WWOX: variants seen among roughly 807,000 people sequenced by gnomAD.
WWOX encodes WW domain containing oxidoreductase.
A neutral mutation model predicts 46.2 loss-of-function variants in WWOX; 69 were observed. The observed-to-expected ratio is 1.49, with a 90% CI of 1.23 to 1.82. The LOEUF is 1.82. Ranked by LOEUF, WWOX falls within the 40% of genes most tolerant of loss-of-function variation. WWOX has a pLI of 0.00. For synonymous variants in WWOX, 359 were observed against 202.6 expected (o/e 1.77, Z -6.56); for missense variants, 919 against 542.6 (o/e 1.69, Z -6.89).
chr16:78,106,715 C>G (rs188810214), intron 1 of WWOX, among the ~76,000 whole-genome samples: 2 of 152,260 alleles, frequency 1.3e-5, no homozygotes, highest in African/African-American at 4.8e-5. Context: ...CGCGCCCGGC[C>G]ACAGAGCTGC....
intron 8 of WWOX, among the ~76,000 whole-genome samples, chr16:79,192,584 C>T (rs1288564769): frequency 6.6e-6 from 1 of 152,226 alleles, no homozygotes; most frequent in East Asian, 1.9e-4. Flanking sequence ...AGAGATTTCT[C>T]TTAAGGTGCC....
chr16:78,844,619 A>G (rs1454285502), intron 8 of WWOX, among the ~76,000 whole-genome samples: 1 of 152,094 alleles, frequency 6.6e-6, no homozygotes, highest in Admixed American at 6.5e-5. Context: ...TGGCAGGGTT[A>G]TAAATCATAC....
chr16:78,985,785 T>G (rs1597239950), intron 8 of WWOX, among the ~76,000 whole-genome samples: 1 of 151,158 alleles, frequency 6.6e-6, no homozygotes, highest in East Asian at 1.9e-4. Context: ...AAAAAAAGAA[T>G]AGGCACAGAC....
At chr16:78,790,123 T>A (rs975607840) in intron 8 of WWOX, among the ~76,000 whole-genome samples, 1 of 152,128 alleles carries the variant, frequency 6.6e-6, no homozygotes, top group Admixed American at 6.5e-5. Context: ...GTTTCAGGAT[T>A]ATTATTTTTT....
At chr16:79,010,229 G>A (rs975172836) in intron 8 of WWOX, among the ~76,000 whole-genome samples, 4 of 152,226 alleles carry the variant, frequency 2.6e-5, no homozygotes, top group South Asian at 4.1e-4. Context: ...AGCATCTGCT[G>A]TGTGCCAGAC....
chr16:78,240,340 A>G (rs913529085), intron 5 of WWOX, among the ~76,000 whole-genome samples: 21 of 152,132 alleles, frequency 1.4e-4, no homozygotes, highest in African/African-American at 4.8e-4. Flanking sequence ...CCAAAAGACA[A>G]AACAGAAAAA....
intron 8 of WWOX, among the ~76,000 whole-genome samples, chr16:78,493,600 C>T (rs1341188880): frequency 6.6e-6 from 1 of 152,044 alleles, no homozygotes; most frequent in African/African-American, 2.4e-5. Context: ...ATTAATGACA[C>T]CGCAAAAATG....
intron 8 of WWOX, among the ~76,000 whole-genome samples, chr16:78,699,284 A>C (rs2048163135): frequency 6.6e-6 from 1 of 152,068 alleles, no homozygotes; most frequent in Non-Finnish European, 1.5e-5. Context: ...CTGTGATCCT[A>C]GCACTTTTGG....
intron 5 of WWOX, among the ~76,000 whole-genome samples, chr16:78,323,254 C>T (rs1295884050): frequency 6.6e-6 from 1 of 152,000 alleles, no homozygotes; most frequent in Non-Finnish European, 1.5e-5. Context: ...CTACAGGCCC[C>T]CGCCACCATG....
chr16:78,382,507 T>G (rs1278550342), intron 5 of WWOX, among the ~76,000 whole-genome samples: 1 of 152,122 alleles, frequency 6.6e-6, no homozygotes, highest in African/African-American at 2.4e-5. Flanking sequence ...TGGGGGTTGT[T>G]CCTTACTGAA....
intron 8 of WWOX, among the ~76,000 whole-genome samples, chr16:79,138,391 C>T (rs1333986904): frequency 6.6e-6 from 1 of 152,142 alleles, no homozygotes; most frequent in African/African-American, 2.4e-5. Flanking sequence ...CAGTGCCTTC[C>T]CCATTTGACT....
At chr16:78,673,219 ATTTTCAGAGCATGT>A (rs143335904) in intron 8 of WWOX, among the ~76,000 whole-genome samples, 157 of 152,240 alleles carry the variant, frequency 1.0e-3, no homozygotes, top group Non-Finnish European at 1.8e-3. Flanking sequence ...TAAAACAGGA[ATTTTCAGAGCATGT>A]AATTTCTTCT....
chr16:78,950,182 A>G (rs373041772), intron 8 of WWOX, among the ~76,000 whole-genome samples: 1 of 152,206 alleles, frequency 6.6e-6, no homozygotes, highest in African/African-American at 2.4e-5. Context: ...TAGGTTGTAG[A>G]TTCCATGTCT....
chr16:78,753,057 G>C (rs2049525812), intron 8 of WWOX, among the ~76,000 whole-genome samples: 1 of 152,316 alleles, frequency 6.6e-6, no homozygotes, highest in Middle Eastern at 3.4e-3. Flanking sequence ...CACTTTGGGA[G>C]GCCGAGGCGG....
chr16:79,033,423 A>G (rs1280799205), intron 8 of WWOX, among the ~76,000 whole-genome samples: 1 of 151,634 alleles, frequency 6.6e-6, no homozygotes, highest in Non-Finnish European at 1.5e-5. Context: ...ATAGTATTCC[A>G]TGGTGTAGAT....
intron 8 of WWOX, among the ~76,000 whole-genome samples, chr16:78,701,571 G>A (rs541737584): frequency 2.0e-5 from 3 of 151,486 alleles, no homozygotes; most frequent in East Asian, 2.0e-4. Flanking sequence ...GCCTCCCCCC[G>A]ATATACTCAA....
At chr16:78,106,427 T>TTG (rs1555534574) in intron 1 of WWOX, among the ~76,000 whole-genome samples, 2 of 147,090 alleles carry the variant, frequency 1.4e-5, no homozygotes, top group African/African-American at 5.0e-5. Flanking sequence ...TTTTGTTTTT[T>TTG]TTTTTTTTTT....
At chr16:78,490,441 T>C (rs1370570924) in intron 8 of WWOX, among the ~76,000 whole-genome samples, 1 of 152,206 alleles carries the variant, frequency 6.6e-6, no homozygotes, top group East Asian at 1.9e-4. Flanking sequence ...TCGTAATTGG[T>C]GAAATTCTCT....
At chr16:78,367,707 C>G (rs1449809800) in intron 5 of WWOX, among the ~76,000 whole-genome samples, 2 of 151,764 alleles carry the variant, frequency 1.3e-5, no homozygotes, top group Admixed American at 1.3e-4. Context: ...GGAGAATTGA[C>G]TTGTCACAAT....
Sources: gnomAD v4.1 joint callset for allele counts (sites outside exome capture counted in the v4.1 genomes callset) on GRCh38, gnomAD v4.1.1 for gene constraint, MANE v1.5 for transcripts, NCBI Gene and HGNC (gene_info 2026-07-23, HGNC 2026-07-21) for gene names.